CSMD3: variants seen among roughly 807,000 people sequenced by gnomAD.
The protein encoded by CSMD3 is CUB and sushi domain-containing protein 3.
Under a neutral mutation model 435.2 loss-of-function variants are expected in CSMD3, and 177 were observed. That is an observed-to-expected ratio of 0.41 (90% CI 0.36 to 0.46). CSMD3 has a LOEUF of 0.46. Ranked by LOEUF, CSMD3 falls within the 20% of genes least tolerant of loss-of-function variation. The pLI is 0.34. For missense variants in CSMD3, 4,265 were observed against 4,504.6 expected, an observed-to-expected ratio of 0.95 and a Z score of 1.52; for synonymous variants, 1,656 against 1,520.5, an observed-to-expected ratio of 1.09 and a Z score of -2.07.
rs1449530574 is a variant in CSMD3 at position 112,232,183 on chromosome 8, C to T, written c.10741-551G>A. On this transcript the variant is annotated intron_variant, in intron 68 of 70. Coordinates refer to ENST00000297405, the MANE Select transcript of CSMD3 (RefSeq NM_198123.2). The stretch of plus-strand genomic sequence containing the variant: ...ACAAAAGGCCACATACTATATGATT[C>T]CATTCATATGAAAGTCAGAACAGGG... Among the ~76,000 whole-genome samples the T allele has an allele frequency of 2.0e-5, 3 of 152,144 alleles. No homozygotes were observed. In the South Asian group the frequency reaches 6.2e-4, roughly 31 times the overall value.
chr8:113,025,196 C>T (rs2086830140), intron 5 of CSMD3, among the ~76,000 whole-genome samples: 1 of 151,938 alleles, frequency 6.6e-6, no homozygotes, highest in African/African-American at 2.4e-5. Context: ...TTCTTCTTTC[C>T]CTATGCGTAT....
intron 11 of CSMD3, among the ~76,000 whole-genome samples, chr8:112,840,477 A>G (rs2080147692): frequency 1.3e-5 from 2 of 151,730 alleles, no homozygotes; most frequent in African/African-American, 4.8e-5. Context: ...TACCAAGTTG[A>G]AGTTTGAGTG....
intron 5 of CSMD3, among the ~76,000 whole-genome samples, chr8:113,063,518 T>C (rs545854691): frequency 6.6e-6 from 1 of 152,134 alleles, no homozygotes; most frequent in Admixed American, 6.5e-5. Flanking sequence ...ATGTCAAGCA[T>C]GCTACTTATA....
chr8:112,875,224 T>C (rs1187930081), intron 10 of CSMD3, among the ~76,000 whole-genome samples: 1 of 152,172 alleles, frequency 6.6e-6, no homozygotes, highest in Non-Finnish European at 1.5e-5. Flanking sequence ...ATTCTTTTCT[T>C]TAAGAATGTC....
At chr8:112,962,867 A>G (rs982836308) in intron 7 of CSMD3, among the ~76,000 whole-genome samples, 9 of 152,044 alleles carry the variant, frequency 5.9e-5, no homozygotes, top group Non-Finnish European at 1.3e-4. Flanking sequence ...TCCTTGCTAC[A>G]CAAATTGTGA....
chr8:112,333,637 T>C (rs897059057), intron 45 of CSMD3, among the ~76,000 whole-genome samples: 2 of 151,120 alleles, frequency 1.3e-5, no homozygotes, highest in African/African-American at 2.4e-5. Context: ...ATTATCCACA[T>C]ATTTTTATAT....
chr8:112,680,334 G>C (rs1435854980), intron 16 of CSMD3, among the ~76,000 whole-genome samples: 1 of 151,976 alleles, frequency 6.6e-6, no homozygotes, highest in African/African-American at 2.4e-5. Context: ...CTCCAGCCTG[G>C]GTGACAAAAG....
chr8:112,619,607 C>T (rs1833912954), intron 22 of CSMD3, among the ~76,000 whole-genome samples: 1 of 152,108 alleles, frequency 6.6e-6, no homozygotes, highest in Non-Finnish European at 1.5e-5. Flanking sequence ...CTGTGGCCAC[C>T]TTCTCTGATT....
chr8:112,681,214 T>C (rs2075886200), intron 16 of CSMD3, among the ~76,000 whole-genome samples: 2 of 151,436 alleles, frequency 1.3e-5, no homozygotes, highest in Non-Finnish European at 2.9e-5. Flanking sequence ...TTTTTTCTTA[T>C]TAATATTATT....
chr8:112,939,510 AACTT>A (rs2083385468), intron 9 of CSMD3, among the ~76,000 whole-genome samples: 2 of 152,062 alleles, frequency 1.3e-5, no homozygotes, highest in South Asian at 4.1e-4. Context: ...TAGAATAAAT[AACTT>A]CCCCAAGTCA....
chr8:112,851,208 G>A (rs2080475057), intron 11 of CSMD3, among the ~76,000 whole-genome samples: 1 of 152,082 alleles, frequency 6.6e-6, no homozygotes, highest in South Asian at 2.1e-4. Context: ...GGCAAATGAA[G>A]GTGGAAGGGT....
At position 112,917,067 on chromosome 8, in the gene CSMD3, A is replaced by G. The variant is rs1587664613; in HGVS notation, c.1633+4560T>C. Among the ~76,000 whole-genome samples the G allele has an allele frequency of 3.3e-5, 5 of 152,080 alleles. No individual in the cohort carries two copies. In the South Asian group the frequency reaches 1.0e-3, roughly 32 times the overall value. Reference sequence around the variant, plus strand: ...TTTTCCATTGTTTATAAAGAAAGGAATTGAACCTCATTTAGATTGTTTTAT... The same window carrying G: ...TTTTCCATTGTTTATAAAGAAAGGAGTTGAACCTCATTTAGATTGTTTTAT... On this transcript the variant is annotated intron_variant, in intron 10 of 70. Transcript: ENST00000297405.
chr8:112,306,337 T>C, intron 50 of CSMD3, 145 bp from the exon 51 acceptor site: 1 of 678,662 alleles, frequency 1.5e-6, no homozygotes, highest in South Asian at 1.7e-5. Flanking sequence ...CAGAAATACT[T>C]TCCGAACCAT....
chr8:112,279,048 AC>A (rs1477780355), intron 59 of CSMD3, among the ~76,000 whole-genome samples: 8 of 145,896 alleles, frequency 5.5e-5, no homozygotes, highest in Non-Finnish European at 1.2e-4. Flanking sequence ...AACAACAACA[AC>A]AACAACAAAA....
intron 4 of CSMD3, among the ~76,000 whole-genome samples, chr8:113,110,640 T>C (rs2090610641): frequency 6.6e-6 from 1 of 152,200 alleles, no homozygotes; most frequent in Admixed American, 6.5e-5. Context: ...CTCTTCTCTT[T>C]CTGAACCCTC....
chr8:112,648,326 T>A (rs1453799208), intron 19 of CSMD3, among the ~76,000 whole-genome samples: 5 of 152,208 alleles, frequency 3.3e-5, no homozygotes, highest in Non-Finnish European at 7.3e-5. Flanking sequence ...AGACATTTTT[T>A]AAATAAACAT....
intron 27 of CSMD3, among the ~76,000 whole-genome samples, chr8:112,531,007 C>A (rs1825474441): frequency 6.6e-6 from 1 of 151,988 alleles, no homozygotes; most frequent in African/African-American, 2.4e-5. Flanking sequence ...TGATGCAACC[C>A]AGTGTGACAT....
At chr8:112,964,998 G>A (rs750246124) in intron 7 of CSMD3, among the ~76,000 whole-genome samples, 3 of 151,940 alleles carry the variant, frequency 2.0e-5, no homozygotes, top group Non-Finnish European at 4.4e-5. Flanking sequence ...GTAGCCATAT[G>A]CTCTAGAAAA....
intron 50 of CSMD3, among the ~76,000 whole-genome samples, chr8:112,306,857 G>A (rs1821467302): frequency 6.6e-6 from 1 of 152,010 alleles, no homozygotes; most frequent in South Asian, 2.1e-4. Context: ...CAATACATTT[G>A]ATTTAGGTGA....
Sources: allele counts gnomAD v4.1 joint callset (sites outside exome capture counted in the v4.1 genomes callset), GRCh38; gene constraint gnomAD v4.1.1; transcripts MANE v1.5; gene names NCBI Gene and HGNC (gene_info 2026-07-23, HGNC 2026-07-21).